The following CEP135 variants were observed in gnomAD, a reference collection of about 807,000 sequenced individuals.
The protein encoded by CEP135 is centrosomal protein 135, also known as centrosomal protein of 135 kDa.
In CEP135, 142 loss-of-function variants were observed where a neutral mutation model predicts 157.3. The ratio of observed to expected loss-of-function variants is 0.90; its 90% CI spans 0.79 to 1.04. The LOEUF (loss-of-function observed/expected upper bound fraction) is 1.04. Ranked by LOEUF, CEP135 falls within the 50% of genes least tolerant of loss-of-function variation. The probability of loss-of-function intolerance (pLI) is 0.00; values close to 1 mark genes in which losing one functional copy is unlikely to be tolerated. For synonymous variants in CEP135, 396 were observed against 439.8 expected (o/e 0.90, Z 1.25); for missense variants, 1,317 against 1,309.2 (o/e 1.01, Z -0.09).
intron 6 of CEP135, among the ~76,000 whole-genome samples, chr4:55,961,764 T>TA (rs564116620): frequency 0.019 from 1,050 of 54,182 alleles, 38 homozygotes; most frequent in Middle Eastern, 0.071. Flanking sequence ...AAACTCTGTC[T>TA]AAAAAAAAAA....
Position 55,950,330 on chromosome 4 carries a change from T to C in CEP135, c.-46+1271T>C, listed in dbSNP as rs539313603. Among the ~76,000 whole-genome samples the C allele has an allele frequency of 3.9e-5, 6 of 152,358 alleles. No individual in the cohort carries two copies. In the East Asian group the frequency reaches 1.2e-3, roughly 29 times the overall value. Reference sequence around the variant, plus strand: ...TGGTCTTTCTCCCTCACAGGGTAGCTGTGAGGATCGACTTTTACATGTATG... The same window carrying C: ...TGGTCTTTCTCCCTCACAGGGTAGCCGTGAGGATCGACTTTTACATGTATG... On this transcript the variant is annotated intron_variant, in intron 1 of 25. Transcript: ENST00000257287.
intron 17 of CEP135, among the ~76,000 whole-genome samples, chr4:56,003,715 TG>T (rs1730257244): frequency 1.3e-5 from 2 of 151,922 alleles, no homozygotes; most frequent in African/African-American, 4.8e-5. Context: ...AATCTTTTTT[TG>T]TTTTGTTTTT....
rs139803694 is a variant in CEP135 at position 55,954,296 on chromosome 4, A to G, written c.385A>G (p.Lys129Glu). 6.2e-6 allele frequency: 10 copies of G among 1,611,822 alleles called. No individual in the cohort carries two copies. Among genetic ancestry groups the G allele is most frequent in the South Asian group, 1.1e-5 (1 of 90,564 alleles). ...FLNNQYAHKL[K>E]LLEKESKAKN... ...GAATAACCAATATGCTCATAAACTC[A>G]AACTGTTGGAGAAAGAGAGCAAAGC... The change falls in exon 4 of 26, where the codon AAA becomes GAA. Residue 129 changes from lysine to glutamate, a missense_variant. Physicochemically the swap from Lys to Glu is moderately conservative, Grantham distance 56. Coordinates refer to ENST00000257287, the MANE Select transcript of CEP135 (RefSeq NM_025009.5).
chr4:55,953,179 C>A lies in CEP135; in HGVS notation c.208C>A (p.Pro70Thr). Residue 70 changes from proline (P) to threonine (T), a missense_variant, in exon 3 of 26, where the codon CCC becomes ACC. Pro to Thr is a conservative substitution (Grantham distance 38). Transcript: ENST00000257287. ...ESANFDFVLE[P>T]YKLENARLSR... The stretch of plus-strand genomic sequence containing the variant: ...TGCCAATTTTGATTTTGTTTTGGAA[C>A]CCTATAAACTTGAAAATGCAAGATT... The A allele has an allele frequency of 1.2e-6, 2 of 1,606,616 alleles. No homozygotes were observed. Among genetic ancestry groups the A allele is most frequent in the East Asian group, 2.3e-5 (1 of 44,442 alleles).
Position 55,978,613 on chromosome 4 carries a change from C to T in CEP135, c.1474-1530C>T, listed in dbSNP as rs930252134. Among the ~76,000 whole-genome samples the T allele has an allele frequency of 5.7e-4, 87 of 152,286 alleles. 1 individual carries two copies. Among genetic ancestry groups the T allele is most frequent in the African/African-American group, 2.0e-3 (85 of 41,556 alleles). ...TCCCTCAGGCTGGAGTGCAGTAGTGCGATCATAGCTCACTGTAACCTTGAA... is the reference window on the plus strand; with the variant it reads ...TCCCTCAGGCTGGAGTGCAGTAGTGTGATCATAGCTCACTGTAACCTTGAA... On this transcript the variant is annotated intron_variant, in intron 11 of 25. Transcript: ENST00000257287.
At position 56,011,442 on chromosome 4, in the gene CEP135, C is replaced by T. The variant is rs768601647; in HGVS notation, c.2536C>T (p.Gln846Ter). ...EISLELEAAVQEKEEMKSRVH... is the reference protein window; with the variant it reads ...EISLELEAAV ...CTCATTGGAATTGGAAGCAGCAGTG[C>T]AAGAAAAAGAAGAAATGAAGAGCAG... Residue 846 changes from glutamine to a stop codon, truncating the protein, a stop_gained, in exon 20 of 26, where the codon CAA (glutamine) becomes TAA (stop). Coordinates refer to ENST00000257287, the MANE Select transcript of CEP135 (RefSeq NM_025009.5). LOFTEE classifies it high-confidence loss of function. 1 of 1,611,392 alleles carries T rather than the reference C, an allele frequency of 6.2e-7. No individual in the cohort carries two copies. Among genetic ancestry groups the T allele is most frequent in the South Asian group, 1.1e-5 (1 of 90,278 alleles).
intron 3 of CEP135, 69 bp downstream of exon 3, chr4:55,953,344 A>G (rs1728417026): frequency 4.2e-6 from 5 of 1,178,848 alleles, no homozygotes; most frequent in Non-Finnish European, 5.9e-6. Flanking sequence ...GGAAAAGCTA[A>G]CGTCTAATTT....
intron 1 of CEP135, among the ~76,000 whole-genome samples, chr4:55,949,399 C>G (rs959004270): frequency 1.3e-5 from 2 of 152,242 alleles, no homozygotes; most frequent in South Asian, 4.1e-4. Context: ...AAAATGCCTT[C>G]TCAGTGTAGC....
chr4:55,999,760 A>T, intron 17 of CEP135, 115 bp downstream of exon 17: 3 of 1,011,046 alleles, frequency 3.0e-6, no homozygotes, highest in Non-Finnish European at 4.4e-6. Flanking sequence ...TGGCATGATC[A>T]CAGCTCACTG....
intron 21 of CEP135, among the ~76,000 whole-genome samples, 160 bp from the exon 22 acceptor site, chr4:56,017,488 G>T (rs1001464616): frequency 6.6e-6 from 1 of 152,072 alleles, no homozygotes; most frequent in African/African-American, 2.4e-5. Flanking sequence ...GCATTAAATA[G>T]GTCATCTTTA....
chr4:55,983,581 A>G (rs1729479811), intron 13 of CEP135, among the ~76,000 whole-genome samples: 2 of 151,752 alleles, frequency 1.3e-5, no homozygotes, highest in Admixed American at 1.3e-4. Flanking sequence ...GCTCTGTTCT[A>G]TTAAGTGCTT....
Position 55,977,033 on chromosome 4 carries a change from G to T in CEP135, c.1473+2064G>T, listed in dbSNP as rs138867699. Among the ~76,000 whole-genome samples, 713 of 151,784 alleles carry T rather than the reference G, an allele frequency of 4.7e-3. 4 individuals carry two copies. The highest frequency in any genetic ancestry group is 0.01 in the Middle Eastern group (3 of 294). ...GATAGGGTTTTTCCATGTTGCCCAG[G>T]CTGGTTTCAAACACCTGATCTCAAG... On this transcript the variant is annotated intron_variant, in intron 11 of 25. Coordinates refer to ENST00000257287, the MANE Select transcript of CEP135 (RefSeq NM_025009.5).
At chr4:55,988,324 G>A (rs924191761) in intron 14 of CEP135, among the ~76,000 whole-genome samples, 2 of 152,090 alleles carry the variant, frequency 1.3e-5, no homozygotes, top group African/African-American at 2.4e-5. Flanking sequence ...AGAACATGGT[G>A]CTAGACTTGT....
chr4:55,968,023 A>G (rs894155664), intron 8 of CEP135, among the ~76,000 whole-genome samples: 2 of 152,246 alleles, frequency 1.3e-5, no homozygotes, highest in African/African-American at 2.4e-5. Context: ...AGCCTTCAAC[A>G]TTCCGCAGAA....
At chr4:55,973,064 A>G (rs530325104) in intron 10 of CEP135, among the ~76,000 whole-genome samples, 2 of 152,222 alleles carry the variant, frequency 1.3e-5, no homozygotes, top group East Asian at 1.9e-4. Context: ...TTTGATAGCT[A>G]TGTGTGGCCT....
chr4:55,985,349 T>A lies in CEP135; in HGVS notation c.1848T>A (p.Val616=). The change falls in exon 14 of 26, where the codon GTT becomes GTA. Residue 616 remains valine (V), a synonymous_variant. Coordinates refer to ENST00000257287, the MANE Select transcript of CEP135 (RefSeq NM_025009.5). ...LEKTIEHLTC[V]NHQLESEKYE... ...AAACTATTGAACATTTGACATGTGT[T>A]AATCATCAGGTAATGTATCAAACTG... 1 of 1,580,816 alleles carries A rather than the reference T, an allele frequency of 6.3e-7. No homozygotes were observed. Among genetic ancestry groups the A allele is most frequent in the African/African-American group, 1.3e-5 (1 of 74,496 alleles).
intron 13 of CEP135, among the ~76,000 whole-genome samples, chr4:55,982,635 T>C (rs898026014): frequency 2.0e-5 from 3 of 152,228 alleles, no homozygotes; most frequent in Non-Finnish European, 4.4e-5. Context: ...ATTATTAAGT[T>C]GTAAGAGTTC....
rs144538968 is a variant in CEP135, at chr4:56,029,077, A to G, written c.*12-2283A>G. ...ATTTTTACATTTACCTGCTTATTGAAAAGGTTATTATAAAGGATACAGATT... is the reference window on the plus strand; with the variant it reads ...ATTTTTACATTTACCTGCTTATTGAGAAGGTTATTATAAAGGATACAGATT... On this transcript the variant is annotated intron_variant, in intron 25 of 25. Coordinates refer to ENST00000257287, the MANE Select transcript of CEP135 (RefSeq NM_025009.5). Among the ~76,000 whole-genome samples the G allele has an allele frequency of 5.2e-3, 798 of 152,294 alleles. 5 individuals are homozygous for G. The highest frequency in any genetic ancestry group is 0.018 in the African/African-American group (764 of 41,550).
intron 14 of CEP135, among the ~76,000 whole-genome samples, chr4:55,990,676 A>T (rs557944774): frequency 1.4e-4 from 21 of 151,884 alleles, no homozygotes; most frequent in Admixed American, 3.3e-4. Flanking sequence ...TAAAAAAAAA[A>T]TTTTATTGTA....
Sources: gnomAD v4.1 joint callset for allele counts (sites outside exome capture counted in the v4.1 genomes callset) on GRCh38, gnomAD v4.1.1 for gene constraint, MANE v1.5 for transcripts, NCBI Gene and HGNC (gene_info 2026-07-23, HGNC 2026-07-21) for gene names.